The following PPARG variants were observed in gnomAD, a reference collection of about 807,000 sequenced individuals.
PPARG encodes peroxisome proliferator-activated receptor gamma.
A neutral mutation model predicts 39.2 loss-of-function variants in PPARG; 17 were observed. The observed-to-expected ratio is 0.43, with a 90% CI of 0.30 to 0.65. The LOEUF is 0.65. Among genes scored for constraint, PPARG ranks in the 30% least tolerant of loss-of-function variants. The pLI, the probability that PPARG is intolerant of heterozygous loss-of-function variation, is 0.13. For synonymous variants in PPARG, 223 were observed against 215.7 expected, an observed-to-expected ratio of 1.03 and a Z score of -0.30; for missense variants, 406 against 585.9, an observed-to-expected ratio of 0.69 and a Z score of 3.17.
chr3:12,334,261 TGCTCTG>T (rs2047947256), intron 2 of PPARG, among the ~76,000 whole-genome samples: 2 of 151,534 alleles, frequency 1.3e-5, no homozygotes, highest in Admixed American at 1.3e-4. Context: ...GACAGAGTCT[TGCTCTG>T]TGACCCTGGC....
At chr3:12,325,507 A>G (rs2047668400) in intron 2 of PPARG, among the ~76,000 whole-genome samples, 2 of 152,134 alleles carry the variant, frequency 1.3e-5, no homozygotes, top group African/African-American at 4.8e-5. Context: ...AGGCTGAGGC[A>G]GGAGAATCGC....
Position 12,334,117 on chromosome 3 carries a change from A to T in PPARG, c.-9+21664A>T, listed in dbSNP as rs117350839. On this transcript the variant is annotated intron_variant, in intron 2 of 7. Coordinates refer to ENST00000651735, the MANE Select transcript of PPARG (RefSeq NM_138711.6). ...TTACAAGTTCCTTAAGAGCAGGCTT[A>T]TACTTCTTTGTATAATATTTCCCAC... Among the ~76,000 whole-genome samples, 417 of 152,226 alleles carry T rather than the reference A, an allele frequency of 2.7e-3. 7 individuals carry two copies. The East Asian group carries it at 0.036, about 13-fold the overall frequency.
In PPARG at chr3:12,312,441, T is replaced by G. The variant is rs1024032576; in HGVS notation, c.-21T>G. 3 of 152,174 alleles carry G rather than the reference T, an allele frequency of 2.0e-5. No homozygotes were observed. Among genetic ancestry groups the G allele is most frequent in the Non-Finnish European group, 2.9e-5 (2 of 68,026 alleles). The allele number at this position is 152,174 out of a possible 1,614,324, so 9.4% of individuals were successfully genotyped here. On this transcript the variant is annotated 5_prime_UTR_variant, in exon 2 of 8. Coordinates refer to ENST00000651735, the MANE Select transcript of PPARG (RefSeq NM_138711.6). Reference sequence around the variant, plus strand: ...ACAAGGCCATTTTCTCAAACGAGAGTCAGCCTTTAACGGTAAGTAAAATCA... The same window carrying G: ...ACAAGGCCATTTTCTCAAACGAGAGGCAGCCTTTAACGGTAAGTAAAATCA...
chr3:12,431,349 A>G (rs953655181), intron 7 of PPARG, among the ~76,000 whole-genome samples: 17 of 152,228 alleles, frequency 1.1e-4, no homozygotes, highest in African/African-American at 4.1e-4. Context: ...ATCAAAGCCC[A>G]TGGGATGAAA....
intron 2 of PPARG, among the ~76,000 whole-genome samples, chr3:12,324,182 G>A (rs1288831271): frequency 6.6e-6 from 1 of 152,096 alleles, no homozygotes; most frequent in Non-Finnish European, 1.5e-5. Context: ...GGGAGGCTGA[G>A]GCAGGAAAAT....
intron 2 of PPARG, among the ~76,000 whole-genome samples, chr3:12,374,635 G>A (rs2049340644): frequency 6.6e-6 from 1 of 151,968 alleles, no homozygotes; most frequent in African/African-American, 2.4e-5. Flanking sequence ...GTAGAACTAT[G>A]CAACAGAAAG....
chr3:12,375,710 T>C (rs920358228), intron 2 of PPARG, among the ~76,000 whole-genome samples: 8 of 152,332 alleles, frequency 5.3e-5, no homozygotes, highest in Admixed American at 3.9e-4. Context: ...ATGGGTGCCC[T>C]GTCCTTAGGA....
chr3:12,372,070 A>G (rs372966188), intron 2 of PPARG: 1 of 720,360 alleles, frequency 1.4e-6, no homozygotes, highest in South Asian at 1.5e-5. Flanking sequence ...TTTTAAGGTC[A>G]TTTCCAACAA....
intron 2 of PPARG, among the ~76,000 whole-genome samples, chr3:12,355,966 A>G (rs1231106573): frequency 6.6e-6 from 1 of 152,188 alleles, no homozygotes; most frequent in Non-Finnish European, 1.5e-5. Flanking sequence ...TAAAATCTTC[A>G]TAGCTCTTTC....
chr3:12,390,605 T>C (rs2050036425), intron 4 of PPARG, among the ~76,000 whole-genome samples: 2 of 150,412 alleles, frequency 1.3e-5, no homozygotes, highest in African/African-American at 4.9e-5. Context: ...TATTTTGTTT[T>C]ACATAGTATG....
intron 1 of PPARG, among the ~76,000 whole-genome samples, chr3:12,297,154 C>T (rs1460862057): frequency 6.6e-6 from 1 of 152,078 alleles, no homozygotes; most frequent in Admixed American, 6.5e-5. Flanking sequence ...AAATATCCAA[C>T]AGTAGGGAGA....
intron 2 of PPARG, chr3:12,328,350 A>G (rs1574998631): frequency 6.7e-6 from 5 of 746,334 alleles, no homozygotes; most frequent in South Asian, 1.5e-5. Context: ...CTGCAGGGAA[A>G]CAGCTTCTCC....
intron 2 of PPARG, among the ~76,000 whole-genome samples, chr3:12,354,707 T>C (rs979550948): frequency 6.8e-6 from 1 of 148,114 alleles, no homozygotes; most frequent in Non-Finnish European, 1.5e-5. Context: ...GAGGCTGAGA[T>C]TGCGCCACTG....
chr3:12,316,093 G>A (rs1005999456), intron 2 of PPARG, among the ~76,000 whole-genome samples: 2 of 152,156 alleles, frequency 1.3e-5, no homozygotes, highest in African/African-American at 4.8e-5. Flanking sequence ...ATCAATGACA[G>A]CATTAAGTTG....
rs1279325320 is a variant in PPARG at position 12,312,360 on chromosome 3, G to A, written c.-82-20G>A. The A allele has an allele frequency of 6.6e-6, 1 of 152,144 alleles. No homozygotes were observed. Among genetic ancestry groups the A allele is most frequent in the African/African-American group, 2.4e-5 (1 of 41,436 alleles). The allele number at this position is 152,144 out of a possible 1,614,324, so 9.4% of individuals were successfully genotyped here. Reference sequence around the variant, plus strand: ...AACATGTGTGTATATTGAAAATCTTGTCTCTTTTTTATTGTTAAGATTTGA... The same window carrying A: ...AACATGTGTGTATATTGAAAATCTTATCTCTTTTTTATTGTTAAGATTTGA... On this transcript the variant is annotated intron_variant, in intron 1 of 7. Coordinates refer to ENST00000651735, the MANE Select transcript of PPARG (RefSeq NM_138711.6).
chr3:12,433,434 A>G (rs552450914), intron 7 of PPARG, among the ~76,000 whole-genome samples: 73 of 151,666 alleles, frequency 4.8e-4, no homozygotes, highest in Admixed American at 7.9e-4. Context: ...GCTACTCAGG[A>G]GGCTGAGGCA....
Position 12,326,732 on chromosome 3 carries a change from TA to T in PPARG, c.-9+14290del, listed in dbSNP as rs67402367. 3.1e-3 allele frequency among the ~76,000 whole-genome samples: 454 copies of T among 148,430 alleles called. 2 individuals are homozygous for T. Among genetic ancestry groups the T allele is most frequent in the African/African-American group, 9.8e-3 (394 of 40,358 alleles). The stretch of plus-strand genomic sequence containing the variant: ...AGAGTATTTGTTTATGTGAGATATA[TA>T]AAAAAAAAAAGGAGATTTTAACAAA... On this transcript the variant is annotated intron_variant, in intron 2 of 7. Coordinates refer to ENST00000651735, the MANE Select transcript of PPARG (RefSeq NM_138711.6).
intron 2 of PPARG, among the ~76,000 whole-genome samples, chr3:12,358,201 A>G (rs2048727340): frequency 6.6e-6 from 1 of 152,178 alleles, no homozygotes; most frequent in South Asian, 2.1e-4. Flanking sequence ...TGAGTTACCC[A>G]AATCCCTGGC....
intron 6 of PPARG, among the ~76,000 whole-genome samples, chr3:12,414,981 T>C (rs183129465): frequency 3.9e-5 from 6 of 152,344 alleles, no homozygotes; most frequent in Admixed American, 3.9e-4. Flanking sequence ...GTTGGTGTTA[T>C]TTCCTCCAGT....
Sources: gnomAD v4.1 joint callset for allele counts (sites outside exome capture counted in the v4.1 genomes callset) on GRCh38, gnomAD v4.1.1 for gene constraint, MANE v1.5 for transcripts, NCBI Gene and HGNC (gene_info 2026-07-23, HGNC 2026-07-21) for gene names.